The following LRRC4C variants were observed in gnomAD, a reference collection of about 807,000 sequenced individuals.
LRRC4C encodes the protein leucine rich repeat containing 4C, also known as leucine-rich repeat-containing protein 4C.
In LRRC4C, 5 loss-of-function variants were observed where a neutral mutation model predicts 33.6. The ratio of observed to expected loss-of-function variants is 0.15; its 90% CI spans 0.08 to 0.31. The LOEUF is 0.31. LRRC4C is among the 10% of genes least tolerant of loss of function. LRRC4C has a pLI of 1.00. For missense variants in LRRC4C, 560 were observed against 796.7 expected (o/e 0.70, Z 3.58); for synonymous variants, 329 against 302.0 (o/e 1.09, Z -0.93).
chr11:40,969,037 C>T (rs1327331098), intron 1 of LRRC4C, among the ~76,000 whole-genome samples: 1 of 152,214 alleles, frequency 6.6e-6, no homozygotes, highest in East Asian at 1.9e-4. Flanking sequence ...CTCAGCATTC[C>T]AGATGCCATT....
At chr11:41,077,900 A>G (rs1416113920) in intron 1 of LRRC4C, among the ~76,000 whole-genome samples, 1 of 152,110 alleles carries the variant, frequency 6.6e-6, no homozygotes, top group African/African-American at 2.4e-5. Context: ...ATGACTGTAC[A>G]CTTCTAGAAA....
At chr11:41,370,323 A>G (rs1004752507) in intron 1 of LRRC4C, among the ~76,000 whole-genome samples, 1 of 152,152 alleles carries the variant, frequency 6.6e-6, no homozygotes, top group African/African-American at 2.4e-5. Context: ...ATCTGGGACC[A>G]TAGGTGTGTA....
chr11:41,077,206 T>C (rs1414687818), intron 1 of LRRC4C, among the ~76,000 whole-genome samples: 2 of 152,176 alleles, frequency 1.3e-5, no homozygotes, highest in African/African-American at 4.8e-5. Context: ...TCTAGCATTC[T>C]GGGGTCTTGA....
intron 2 of LRRC4C, among the ~76,000 whole-genome samples, chr11:40,712,246 A>G (rs1257662030): frequency 6.6e-6 from 1 of 152,172 alleles, no homozygotes; most frequent in Non-Finnish European, 1.5e-5. Context: ...CTCAGTTGCT[A>G]ACATTATTTT....
At chr11:40,583,503 T>C (rs1958569903) in intron 3 of LRRC4C, among the ~76,000 whole-genome samples, 1 of 152,172 alleles carries the variant, frequency 6.6e-6, no homozygotes, top group East Asian at 1.9e-4. Context: ...CCCCTAACCA[T>C]CTTCCTCATC....
At chr11:41,203,999 T>A (rs1312295548) in intron 1 of LRRC4C, among the ~76,000 whole-genome samples, 1 of 152,174 alleles carries the variant, frequency 6.6e-6, no homozygotes, top group Non-Finnish European at 1.5e-5. Context: ...CACATGCAAT[T>A]GTCAGATCAG....
chr11:40,584,408 C>A (rs1255999928), intron 3 of LRRC4C, among the ~76,000 whole-genome samples: 1 of 151,682 alleles, frequency 6.6e-6, no homozygotes, highest in East Asian at 2.0e-4. Context: ...TGGAGGACTA[C>A]TAGCTTGATG....
At chr11:40,408,524 A>G (rs1038585192) in intron 3 of LRRC4C, among the ~76,000 whole-genome samples, 1 of 151,914 alleles carries the variant, frequency 6.6e-6, no homozygotes, top group African/African-American at 2.4e-5. Flanking sequence ...GAAATATCAT[A>G]ATTATTAGAA....
At chr11:40,719,594 A>T (rs1420627020) in intron 2 of LRRC4C, among the ~76,000 whole-genome samples, 1 of 152,196 alleles carries the variant, frequency 6.6e-6, no homozygotes, top group Non-Finnish European at 1.5e-5. Flanking sequence ...TCTACTACTG[A>T]GGATATACCG....
intron 3 of LRRC4C, among the ~76,000 whole-genome samples, chr11:40,456,341 A>T (rs948994469): frequency 1.3e-5 from 2 of 152,176 alleles, no homozygotes; most frequent in African/African-American, 4.8e-5. Context: ...AGATACTAAG[A>T]ATCCAAATTA....
At chr11:40,825,722 T>G (rs1952133195) in intron 2 of LRRC4C, among the ~76,000 whole-genome samples, 1 of 151,724 alleles carries the variant, frequency 6.6e-6, no homozygotes, top group South Asian at 2.1e-4. Context: ...TCTTTTTCTT[T>G]CCTGACAGAA....
chr11:40,599,160 C>A (rs1959702975), intron 3 of LRRC4C, among the ~76,000 whole-genome samples: 1 of 152,022 alleles, frequency 6.6e-6, no homozygotes. Context: ...CTCAGAAGGG[C>A]CTTCATGGTC....
intron 3 of LRRC4C, among the ~76,000 whole-genome samples, chr11:40,448,859 A>C (rs894943513): frequency 3.9e-5 from 6 of 152,152 alleles, no homozygotes; most frequent in African/African-American, 1.2e-4. Context: ...ATTTACACTC[A>C]CATCAGCAGT....
chr11:40,133,034 C>T (rs1008423656), intron 6 of LRRC4C, among the ~76,000 whole-genome samples: 5 of 152,106 alleles, frequency 3.3e-5, no homozygotes, highest in African/African-American at 4.8e-5. Context: ...CTATCTGAAA[C>T]GTAAGTCCTT....
At chr11:40,872,748 A>C (rs2135951266) in intron 2 of LRRC4C, among the ~76,000 whole-genome samples, 2 of 152,274 alleles carry the variant, frequency 1.3e-5, no homozygotes, top group Admixed American at 1.3e-4. Context: ...TTCAGTAGTC[A>C]ATATGGACAA....
chr11:41,108,193 C>A (rs563351425), intron 1 of LRRC4C, among the ~76,000 whole-genome samples: 6 of 151,956 alleles, frequency 3.9e-5, no homozygotes, highest in Non-Finnish European at 8.8e-5. Flanking sequence ...GTCTTTTTCC[C>A]CTTCCCCTAC....
chr11:40,770,390 C>A (rs1031141363), intron 2 of LRRC4C, among the ~76,000 whole-genome samples: 6 of 152,196 alleles, frequency 3.9e-5, no homozygotes, highest in African/African-American at 1.4e-4. Context: ...TCACCACCCA[C>A]AAGGTCTCTT....
At chr11:41,277,004 C>A (rs1949505284) in intron 1 of LRRC4C, among the ~76,000 whole-genome samples, 1 of 152,142 alleles carries the variant, frequency 6.6e-6, no homozygotes, top group African/African-American at 2.4e-5. Flanking sequence ...TTTGCGGTAG[C>A]TCTTTATAGC....
At chr11:40,149,738 A>T (rs555658056) in intron 5 of LRRC4C, among the ~76,000 whole-genome samples, 1 of 152,214 alleles carries the variant, frequency 6.6e-6, no homozygotes, top group Non-Finnish European at 1.5e-5. Flanking sequence ...ATATAAAAAC[A>T]TCTGGGAGAA....
Sources: gnomAD v4.1 joint callset for allele counts (sites outside exome capture counted in the v4.1 genomes callset) on GRCh38, gnomAD v4.1.1 for gene constraint, MANE v1.5 for transcripts, NCBI Gene and HGNC (gene_info 2026-07-23, HGNC 2026-07-21) for gene names.